The following PHF10 variants were observed in gnomAD, a reference collection of about 807,000 sequenced individuals.
The protein encoded by PHF10 is BRG1-associated factor 45a.
A neutral mutation model predicts 68.5 loss-of-function variants in PHF10; 51 were observed. The ratio of observed to expected loss-of-function variants is 0.74; its 90% CI spans 0.59 to 0.94. The LOEUF is 0.94. Among genes scored for constraint, PHF10 ranks in the 40% least tolerant of loss-of-function variants. PHF10 has a pLI of 0.00. For missense variants in PHF10, 460 were observed against 602.6 expected (o/e 0.76, Z 2.48); for synonymous variants, 204 against 203.5 (o/e 1.00, Z -0.02).
chr6:169,713,144 A>G (rs2128329950), intron 7 of PHF10, among the ~76,000 whole-genome samples: 1 of 152,340 alleles, frequency 6.6e-6, no homozygotes, highest in East Asian at 1.9e-4. Context: ...TAGGTCAGAC[A>G]GCACTGCTTC....
chr6:169,722,398 G>C (rs1002082489), intron 1 of PHF10, among the ~76,000 whole-genome samples: 2 of 152,110 alleles, frequency 1.3e-5, no homozygotes, highest in Non-Finnish European at 2.9e-5. Context: ...AAACATTCCA[G>C]TATTTTTTCT....
chr6:169,713,598 CAAAAA>C (rs755248180), intron 7 of PHF10, among the ~76,000 whole-genome samples: 1 of 76,678 alleles, frequency 1.3e-5, no homozygotes, highest in Non-Finnish European at 2.8e-5. Context: ...GACTCCATCT[CAAAAA>C]AAAAAAAAAA....
At position 169,723,998 on chromosome 6, in the gene PHF10, T is replaced by TGCCGCCGCCGCCGCCGCCGCC. The variant is rs1161850118; in HGVS notation, c.-88_-68dup. 3.1e-6 allele frequency: 1 copy of TGCCGCCGCCGCCGCCGCCGCC among 325,816 alleles called. No individual in the cohort carries two copies. Among genetic ancestry groups the TGCCGCCGCCGCCGCCGCCGCC allele is most frequent in the East Asian group, 2.0e-4 (1 of 5,024 alleles). The allele number at this position is 325,816 out of a possible 1,614,324, so 20.2% of individuals were successfully genotyped here. A position where few individuals can be genotyped will look rare whatever the true frequency, so the allele number is the denominator to read the frequency against. On this transcript the variant is annotated 5_prime_UTR_variant, in exon 1 of 12. Coordinates refer to ENST00000339209, the MANE Select transcript of PHF10 (RefSeq NM_018288.4). ...GCCTTGTCCCGGCCGCCGCCGCCGC[T>TGCCGCCGCCGCCGCCGCCGCC]GCCGCCGCCGCCGCCGCCGCCGCCG...
rs1304507418 is a variant in PHF10, at chr6:169,724,446, C to T, written c.-515G>A. 1.4e-5 allele frequency among the ~76,000 whole-genome samples: 2 copies of T among 144,174 alleles called. No homozygotes were observed. Among genetic ancestry groups the T allele is most frequent in the Admixed American group, 6.8e-5 (1 of 14,636 alleles). The allele number at this position is 144,174 out of a possible 152,430, so 94.6% of individuals were successfully genotyped here. A position where few individuals can be genotyped will look rare whatever the true frequency, so the allele number is the denominator to read the frequency against. On this transcript the variant is annotated 5_prime_UTR_variant, in exon 1 of 12. Transcript: ENST00000339209. Reference sequence around the variant, plus strand: ...TCAGCCCCGCCGCTCCCCTCAGCCCCGCGGCCGCCTCAGCCCCGCCGCCGC... The same window carrying T: ...TCAGCCCCGCCGCTCCCCTCAGCCCTGCGGCCGCCTCAGCCCCGCCGCCGC...
intron 9 of PHF10, chr6:169,707,106 C>CATT (rs1308947203): frequency 6.6e-6 from 1 of 152,122 alleles, no homozygotes; most frequent in Admixed American, 6.6e-5. Flanking sequence ...GAACTCTAAA[C>CATT]AATCACAAAT....
rs776402928 is a variant in PHF10 at position 169,705,710 on chromosome 6, T to C, written c.1128A>G (p.Pro376=). Residue 376 remains proline (P), a synonymous_variant, in exon 10 of 12, where the codon CCA becomes CCG. Transcript: ENST00000339209. ...SVPGYKPKVI[P]NAICGICLKG... ...TCAGACAAATTCCACATATAGCATT[T>C]GGAATGACCTTTGGCTGGAAGGGTA... 2 of 1,568,962 alleles carry C rather than the reference T, an allele frequency of 1.3e-6. No individual in the cohort carries two copies. Among genetic ancestry groups the C allele is most frequent in the Non-Finnish European group, 1.8e-6 (2 of 1,138,926 alleles).
chr6:169,705,246 C>T lies in PHF10; in HGVS notation c.1298G>A (p.Cys433Tyr). ...TTGTCCACATATAATGCATGTTTTACATTCCATACACTGCCATGGGTAGGT... is the reference window on the plus strand; with the variant it reads ...TTGTCCACATATAATGCATGTTTTATATTCCATACACTGCCATGGGTAGGT... The part of the protein sequence containing the change: ...IKTYPWQCME[C>Y]KTCIICGQPH... The change falls in exon 11 of 12, where the codon TGT becomes TAT. Residue 433 changes from cysteine (C) to tyrosine (Y), a missense_variant. By Grantham distance (194) the Cys-to-Tyr change is radical. Coordinates refer to ENST00000339209, the MANE Select transcript of PHF10 (RefSeq NM_018288.4). The T allele has an allele frequency of 6.2e-7, 1 of 1,613,298 alleles. No homozygotes were observed. Among genetic ancestry groups the T allele is most frequent in the Non-Finnish European group, 8.5e-7 (1 of 1,179,262 alleles).
At position 169,723,100 on chromosome 6, in the gene PHF10, G is replaced by GCA. The variant is rs1562989856; in HGVS notation, c.87+743_87+744dup. On this transcript the variant is annotated intron_variant, in intron 1 of 11. Coordinates refer to ENST00000339209, the MANE Select transcript of PHF10 (RefSeq NM_018288.4). ...TGCCAACGCGCACACGGCACACCGC[G>GCA]CACCGCACGAAGGCTGGCTGGCTCT... Among the ~76,000 whole-genome samples, 17 of 152,186 alleles carry GCA rather than the reference G, an allele frequency of 1.1e-4. 1 individual carries two copies. The highest frequency in any genetic ancestry group is 6.2e-4 in the South Asian group (3 of 4,822).
rs759230680 is a variant in PHF10 at position 169,704,107 on chromosome 6, A to G, written c.1412-19T>C. 1.3e-6 allele frequency: 2 copies of G among 1,563,182 alleles called. No individual in the cohort carries two copies. The highest frequency in any genetic ancestry group is 1.7e-6 in the Non-Finnish European group (2 of 1,159,780). On this transcript the variant is annotated intron_variant, in intron 11 of 11. Coordinates refer to ENST00000339209, the MANE Select transcript of PHF10 (RefSeq NM_018288.4). ...CAGCGACCTAGGAAAAAAATTGTTA[A>G]TATAGAATGAAAAATTATCTTTACA...
Position 169,714,788 on chromosome 6 carries a change from C to T in PHF10, c.748G>A (p.Val250Ile), listed in dbSNP as rs199954276. 15 of 1,607,794 alleles carry T rather than the reference C, an allele frequency of 9.3e-6. No homozygotes were observed. The South Asian group carries it at 1.3e-4, about 14-fold the overall frequency. The change falls in exon 7 of 12, where the codon GTC (valine) becomes ATC (isoleucine). Residue 250 changes from valine (V) to isoleucine (I), a missense_variant. By Grantham distance (29) the Val-to-Ile change is conservative. This residue lies in a region of PHF10 where 256 missense variants were observed against 410.5 expected (regional missense o/e 0.62). Coordinates refer to ENST00000339209, the MANE Select transcript of PHF10 (RefSeq NM_018288.4). ...ATGAGAGCCACTGGGTAAGAACTGA[C>T]CTTTGTTCGCTCTGTTGGCAAAACT... ...YKVLPTERTKVSSYPVALIPG... is the reference protein window; with the variant it reads ...YKVLPTERTKISSYPVALIPG...
At position 169,712,530 on chromosome 6, in the gene PHF10, T is replaced by C. The variant is rs753444763; in HGVS notation, c.813A>G (p.Pro271=). 2 of 1,610,070 alleles carry C rather than the reference T, an allele frequency of 1.2e-6. No homozygotes were observed. Among genetic ancestry groups the C allele is most frequent in the South Asian group, 2.2e-5 (2 of 90,298 alleles). The stretch of plus-strand genomic sequence containing the variant: ...TTAATGGCAGATACCGCAGCTCATC[T>C]GGTGAGTACCTGAAGTTCAGAGAGT... The part of the protein sequence containing the change: ...QFQEYYKRYS[P]DELRYLPLNT... Residue 271 remains proline (P), a synonymous_variant, in exon 8 of 12, where the codon CCA becomes CCG. Transcript: ENST00000339209.
At chr6:169,713,320 C>T (rs937228508) in intron 7 of PHF10, among the ~76,000 whole-genome samples, 20 of 152,090 alleles carry the variant, frequency 1.3e-4, no homozygotes, top group Admixed American at 3.9e-4. Context: ...AATTAAAGGC[C>T]GGGTGCAGTG....
At chr6:169,705,368 C>T (rs1788745698) in intron 10 of PHF10, 47 bp from the exon 11 acceptor site, 2 of 1,302,890 alleles carry the variant, frequency 1.5e-6, no homozygotes, top group East Asian at 2.3e-5. Context: ...GAAATTTTAA[C>T]TTAATATGGC....
At chr6:169,721,465 T>G (rs1789175607) in intron 1 of PHF10, among the ~76,000 whole-genome samples, 1 of 152,216 alleles carries the variant, frequency 6.6e-6, no homozygotes, top group African/African-American at 2.4e-5. Context: ...TCAATTCAAC[T>G]TGAAGCCGGT....
chr6:169,703,978 T>G lies in PHF10; in HGVS notation c.*25A>C, dbSNP rs1165337055. ...ACCAAATATTCCACTTAAATGCATA[T>G]ACAGTATTAGAGTCAAAAACTATTT... On this transcript the variant is annotated 3_prime_UTR_variant, in exon 12 of 12. Coordinates refer to ENST00000339209, the MANE Select transcript of PHF10 (RefSeq NM_018288.4). The G allele has an allele frequency of 6.6e-7, 1 of 1,509,836 alleles. No homozygotes were observed. Among genetic ancestry groups the G allele is most frequent in the African/African-American group, 1.4e-5 (1 of 70,522 alleles). The allele number at this position is 1,509,836 out of a possible 1,614,324, so 93.5% of individuals were successfully genotyped here. A position where few individuals can be genotyped will look rare whatever the true frequency, so the allele number is the denominator to read the frequency against.
chr6:169,722,158 T>C (rs770753239), intron 1 of PHF10, among the ~76,000 whole-genome samples: 61 of 152,330 alleles, frequency 4.0e-4, no homozygotes, highest in Non-Finnish European at 6.9e-4. Context: ...CTGATAAATA[T>C]TAGTTAAAAT....
In PHF10 at chr6:169,723,881, G is replaced by A. The variant is rs2128332111; in HGVS notation, c.51C>T (p.Asp17=). ...GCGCTCCGGGGGTGGCTGGGTCGCT[G>A]TCGCACGGCCGCGGGGACAGCGCAG... ...PGAALSPRPC[D]SDPATPGAQS... Residue 17 remains aspartate, a synonymous_variant, in exon 1 of 12, where the codon GAC becomes GAT. Coordinates refer to ENST00000339209, the MANE Select transcript of PHF10 (RefSeq NM_018288.4). 1.8e-6 allele frequency: 2 copies of A among 1,098,510 alleles called. No individual in the cohort carries two copies. The highest frequency in any genetic ancestry group is 1.7e-5 in the African/African-American group (1 of 59,908). The allele number at this position is 1,098,510 out of a possible 1,614,324, so 68.0% of individuals were successfully genotyped here. A position where few individuals can be genotyped will look rare whatever the true frequency, so the allele number is the denominator to read the frequency against.
chr6:169,716,404 T>C (rs1789048460), intron 4 of PHF10, among the ~76,000 whole-genome samples: 1 of 151,978 alleles, frequency 6.6e-6, no homozygotes, highest in African/African-American at 2.4e-5. Context: ...ATGCACTAAC[T>C]ACTAACAAGT....
At chr6:169,715,608 C>T in intron 6 of PHF10, 100 bp downstream of exon 6, 3 of 1,012,734 alleles carry the variant, frequency 3.0e-6, no homozygotes, top group Non-Finnish European at 4.5e-6. Flanking sequence ...AACACACACA[C>T]ATAGGTGGTA....
Sources: allele counts gnomAD v4.1 joint callset (sites outside exome capture counted in the v4.1 genomes callset), GRCh38; gene constraint gnomAD v4.1.1; regional missense constraint gnomAD v4.1.1; transcripts MANE v1.5; gene names NCBI Gene and HGNC (gene_info 2026-07-23, HGNC 2026-07-21).